The following PHIP variants were observed in gnomAD, a reference collection of about 807,000 sequenced individuals.
PHIP encodes PH-interacting protein.
In PHIP, 54 loss-of-function variants were observed where a neutral mutation model predicts 236.8. The observed-to-expected ratio is 0.23, with a 90% confidence interval of 0.18 to 0.29. The LOEUF (loss-of-function observed/expected upper bound fraction) is 0.29, where lower values mean the gene tolerates loss of function less well. Among genes scored for constraint, PHIP ranks in the 10% least tolerant of loss-of-function variants. PHIP has a pLI of 1.00. For synonymous variants in PHIP, 756 were observed against 718.9 expected (o/e 1.05, Z -0.83); for missense variants, 1,370 against 2,190.8 (o/e 0.63, Z 7.48).
chr6:79,060,870 C>A, intron 4 of PHIP, 52 bp from the exon 5 acceptor site: 1 of 1,268,492 alleles, frequency 7.9e-7, no homozygotes, highest in Non-Finnish European at 1.1e-6. Context: ...TTTTAATTTT[C>A]AAAATCTTTG....
At chr6:78,968,155 T>C (rs187412999) in intron 27 of PHIP, among the ~76,000 whole-genome samples, 1 of 152,086 alleles carries the variant, frequency 6.6e-6, no homozygotes, top group East Asian at 1.9e-4. Context: ...TAAAATACAA[T>C]TTATCATATC....
At chr6:78,961,836 A>C in intron 30 of PHIP, 26 bp from the exon 31 acceptor site, 2 of 1,561,706 alleles carry the variant, frequency 1.3e-6, no homozygotes, top group Non-Finnish European at 1.7e-6. Flanking sequence ...AAGTTTGTAA[A>C]TTTATTTTTG....
At chr6:79,020,783 G>C (rs949897977) in intron 9 of PHIP, among the ~76,000 whole-genome samples, 24 of 152,236 alleles carry the variant, frequency 1.6e-4, no homozygotes, top group African/African-American at 5.8e-4. Context: ...CTGTGGCCCA[G>C]GCTAGAGTGC....
At chr6:78,957,364 G>C (rs1296058438) in intron 32 of PHIP, 1 of 151,562 alleles carries the variant, frequency 6.6e-6, no homozygotes, top group African/African-American at 2.4e-5. Flanking sequence ...ATTTCAATAA[G>C]GAAAACAAAA....
intron 4 of PHIP, among the ~76,000 whole-genome samples, chr6:79,069,416 C>T (rs114513319): frequency 1.9e-3 from 282 of 151,978 alleles, no homozygotes; most frequent in African/African-American, 6.1e-3. Flanking sequence ...AAACAGAGTA[C>T]TTACTTTGTG....
intron 20 of PHIP, 48 bp from the exon 21 acceptor site, chr6:78,988,397 G>C (rs1769001877): frequency 7.2e-7 from 1 of 1,392,846 alleles, no homozygotes; most frequent in Admixed American, 2.5e-5. Context: ...TAAAGAGCAG[G>C]ATTTTTAGTT....
chr6:78,963,413 C>G (rs985206828), intron 29 of PHIP, among the ~76,000 whole-genome samples, 161 bp from the exon 30 acceptor site: 5 of 152,078 alleles, frequency 3.3e-5, no homozygotes, highest in Non-Finnish European at 7.4e-5. Context: ...TTAAGGGTCA[C>G]TAAAATTTAA....
intron 22 of PHIP, among the ~76,000 whole-genome samples, chr6:78,984,761 C>G (rs1768762457): frequency 6.6e-6 from 1 of 152,118 alleles, no homozygotes; most frequent in African/African-American, 2.4e-5. Context: ...TTTGTCTCGT[C>G]TATTTTAAGA....
intron 7 of PHIP, among the ~76,000 whole-genome samples, chr6:79,033,205 C>A (rs1374946032): frequency 6.6e-6 from 1 of 152,154 alleles, no homozygotes; most frequent in Non-Finnish European, 1.5e-5. Context: ...TTCTTATGGT[C>A]CTAGAATTTA....
rs570651045 is a variant in PHIP, at chr6:79,036,331, T to A, written c.600+6512A>T. Among the ~76,000 whole-genome samples, 106 of 152,300 alleles carry A rather than the reference T, an allele frequency of 7.0e-4. 1 individual carries two copies. In the South Asian group the frequency reaches 0.022, roughly 31 times the overall value. On this transcript the variant is annotated intron_variant, in intron 7 of 39. Coordinates refer to ENST00000275034, the MANE Select transcript of PHIP (RefSeq NM_017934.7). ...ATATCAATAATCTCCTCTCGTATCTTCAAATTTGCTATCTTAGTAGTTTCT... is the reference window on the plus strand; with the variant it reads ...ATATCAATAATCTCCTCTCGTATCTACAAATTTGCTATCTTAGTAGTTTCT...
At chr6:79,063,526 C>G (rs958607987) in intron 4 of PHIP, among the ~76,000 whole-genome samples, 13 of 152,264 alleles carry the variant, frequency 8.5e-5, no homozygotes, top group African/African-American at 3.1e-4. Context: ...AAGTGATTCT[C>G]CTGCCTCGCC....
rs150416483 is a variant in PHIP, at chr6:79,033,803, A to G, written c.601-7639T>C. Among the ~76,000 whole-genome samples, 14 of 152,300 alleles carry G rather than the reference A, an allele frequency of 9.2e-5. No individual in the cohort carries two copies. The East Asian group carries it at 2.7e-3, about 29-fold the overall frequency. On this transcript the variant is annotated intron_variant, in intron 7 of 39. Coordinates refer to ENST00000275034, the MANE Select transcript of PHIP (RefSeq NM_017934.7). The stretch of plus-strand genomic sequence containing the variant: ...TCACAACTTGGCTAACTCTTTTAAC[A>G]TGCATTCCTCACTCGCCTTAATCTT...
In PHIP at chr6:78,953,391, T is replaced by C. The variant is rs140462598; in HGVS notation, c.4053+1423A>G. Among the ~76,000 whole-genome samples, 96 of 152,308 alleles carry C rather than the reference T, an allele frequency of 6.3e-4. 1 individual carries two copies. The South Asian group carries it at 8.1e-3, about 13-fold the overall frequency. On this transcript the variant is annotated intron_variant, in intron 35 of 39. Coordinates refer to ENST00000275034, the MANE Select transcript of PHIP (RefSeq NM_017934.7). ...ACATTGTCTTATTTCTATCTCTTCTTTTCTGTGCAAAGCCCAGAATACAAA... is the reference window on the plus strand; with the variant it reads ...ACATTGTCTTATTTCTATCTCTTCTCTTCTGTGCAAAGCCCAGAATACAAA...
intron 7 of PHIP, among the ~76,000 whole-genome samples, chr6:79,035,362 T>C (rs1303088987): frequency 2.0e-5 from 3 of 152,150 alleles, no homozygotes; most frequent in African/African-American, 7.2e-5. Context: ...AAGCCCCCTC[T>C]GCTCAATAAC....
intron 35 of PHIP, among the ~76,000 whole-genome samples, chr6:78,952,427 A>C (rs1356174035): frequency 1.4e-5 from 2 of 139,700 alleles, no homozygotes; most frequent in Non-Finnish European, 1.6e-5. Context: ...CAAAAAAAAA[A>C]GAAAAAAAAA....
chr6:79,001,773 A>C, intron 17 of PHIP, 126 bp downstream of exon 17: 1 of 634,030 alleles, frequency 1.6e-6, no homozygotes, highest in Non-Finnish European at 2.8e-6. Flanking sequence ...GACCTGTATA[A>C]AAGTATAAAA....
chr6:79,016,700 C>A (rs955471411), intron 12 of PHIP, 58 bp from the exon 13 acceptor site: 1 of 999,142 alleles, frequency 1.0e-6, no homozygotes. Context: ...TACCAAAATG[C>A]ACTTTTCCCA....
chr6:79,019,212 CAGAA>C (rs1770987938), intron 9 of PHIP, 53 bp from the exon 10 acceptor site: 8 of 1,254,620 alleles, frequency 6.4e-6, no homozygotes, highest in Non-Finnish European at 9.2e-6. Context: ...CCAGTAGCAG[CAGAA>C]ATAATCTGTT....
At chr6:78,959,339 G>A (rs1447227211) in intron 31 of PHIP, among the ~76,000 whole-genome samples, 1 of 152,036 alleles carries the variant, frequency 6.6e-6, no homozygotes, top group East Asian at 1.9e-4. Context: ...TCTAATTGTG[G>A]ACATAGAAAC....
Sources: allele counts gnomAD v4.1 joint callset (sites outside exome capture counted in the v4.1 genomes callset), GRCh38; gene constraint gnomAD v4.1.1; transcripts MANE v1.5; gene names NCBI Gene and HGNC (gene_info 2026-07-23, HGNC 2026-07-21).